Variants in CAST observed in about 807,000 individuals in gnomAD.
CAST encodes MIR583 host.
A neutral mutation model predicts 119.6 loss-of-function variants in CAST; 76 were observed. The ratio of observed to expected loss-of-function variants is 0.64; its 90% CI spans 0.53 to 0.77. The LOEUF (loss-of-function observed/expected upper bound fraction) is 0.77. Ranked by LOEUF, CAST falls within the 30% of genes least tolerant of loss-of-function variation. The pLI, the probability that CAST is intolerant of heterozygous loss-of-function variation, is 0.00. For synonymous variants in CAST, 319 were observed against 331.6 expected, an observed-to-expected ratio of 0.96 and a Z score of 0.41; for missense variants, 953 against 946.5, an observed-to-expected ratio of 1.01 and a Z score of -0.09.
chr5:96,166,479 G>A, the CAST span, among the ~76,000 whole-genome samples: 482 of 152,106 alleles, frequency 3.2e-3, 1 homozygote, highest in Non-Finnish European at 3.8e-3. Context: ...CTCACATCTC[G>A]GTTTCTGTGT....
intron 1 of CAST, among the ~76,000 whole-genome samples, chr5:96,628,496 G>A (rs923079321): frequency 3.3e-5 from 5 of 152,176 alleles, no homozygotes; most frequent in African/African-American, 1.2e-4. Context: ...AATTTAGAAA[G>A]TATCTAACCA....
the CAST span, chr5:96,415,904 A>G: frequency 7.0e-5 from 49 of 699,598 alleles, no homozygotes; most frequent in Non-Finnish European, 1.2e-4. Context: ...CAAGTCCTGT[A>G]GCAACTTTGG....
At chr5:96,623,988 T>C in intron 1 of CAST, among the ~76,000 whole-genome samples, 1 of 152,184 alleles carries the variant, frequency 6.6e-6, no homozygotes, top group Admixed American at 6.5e-5. Context: ...TGGGAGCCAC[T>C]GTGCCTGGCC....
intron 2 of CAST, among the ~76,000 whole-genome samples, chr5:96,685,649 T>G (rs929517576): frequency 1.1e-4 from 17 of 152,174 alleles, no homozygotes; most frequent in African/African-American, 3.9e-4. Flanking sequence ...AAAACAAATT[T>G]AAAACTCTCT....
the CAST span, among the ~76,000 whole-genome samples, chr5:96,325,475 TTTTA>T: frequency 6.6e-6 from 1 of 150,868 alleles, no homozygotes; most frequent in Admixed American, 6.6e-5. Context: ...TATTTATTTA[TTTTA>T]TTTATTTATT....
At chr5:96,057,798 C>T in the CAST span, among the ~76,000 whole-genome samples, 3 of 152,128 alleles carry the variant, frequency 2.0e-5, no homozygotes, top group South Asian at 6.2e-4. Context: ...AATGTTGTCA[C>T]ATCAGGTCTC....
chr5:96,342,918 A>C, the CAST span, among the ~76,000 whole-genome samples: 3 of 152,196 alleles, frequency 2.0e-5, no homozygotes, highest in African/African-American at 7.2e-5. Flanking sequence ...TGCCATTTAA[A>C]ATGTCTTTAA....
chr5:96,576,875 T>C (rs1746682109), intron 1 of CAST, among the ~76,000 whole-genome samples: 1 of 149,910 alleles, frequency 6.7e-6, no homozygotes, highest in Non-Finnish European at 1.5e-5. Context: ...ATGTGTAGGT[T>C]TGTTACATAG....
chr5:96,440,949 A>C, the CAST span, among the ~76,000 whole-genome samples: 1 of 152,172 alleles, frequency 6.6e-6, no homozygotes, highest in Non-Finnish European at 1.5e-5. Flanking sequence ...ATAAGAGCAG[A>C]CTCAAAACAG....
chr5:96,086,221 T>C, the CAST span, among the ~76,000 whole-genome samples: 1 of 152,218 alleles, frequency 6.6e-6, no homozygotes, highest in African/African-American at 2.4e-5. Context: ...TTTAATCTTT[T>C]AGATCTGTAG....
chr5:96,736,190 T>G lies in CAST; in HGVS notation c.649T>G (p.Leu217Val), dbSNP rs763301237. 6.2e-7 allele frequency: 1 copy of G among 1,612,242 alleles called. No homozygotes were observed. Among genetic ancestry groups the G allele is most frequent in the African/African-American group, 1.3e-5 (1 of 74,964 alleles). Residue 217 changes from leucine to valine, a missense_variant, in exon 10 of 32, where the codon TTA (leucine) becomes GTA (valine). Transcript: ENST00000675179. ...PGDKKKEKKS[L>V]TPAVPVESKP... ...TCACCAGAAAAAAGAAAAGAAATCA[T>G]TAACCCCAGCTGTGCCAGTTGAATC...
At chr5:96,706,719 G>A (rs1207327174) in intron 3 of CAST, among the ~76,000 whole-genome samples, 2 of 152,212 alleles carry the variant, frequency 1.3e-5, no homozygotes, top group South Asian at 2.1e-4. Context: ...TCTTCTTCCC[G>A]TGCTTTCCCC....
chr5:96,049,889 CAAAAAA>C, the CAST span, among the ~76,000 whole-genome samples: 304 of 34,186 alleles, frequency 8.9e-3, no homozygotes, highest in Middle Eastern at 0.038. Flanking sequence ...GAACAGGAGG[CAAAAAA>C]AAAAAAAAAA....
At chr5:96,143,729 T>TA in the CAST span, among the ~76,000 whole-genome samples, 1 of 152,076 alleles carries the variant, frequency 6.6e-6, no homozygotes. Flanking sequence ...GACAAGCTTG[T>TA]AAAAAAAAGT....
chr5:96,303,136 G>A, the CAST span, among the ~76,000 whole-genome samples: 1 of 152,146 alleles, frequency 6.6e-6, no homozygotes, highest in African/African-American at 2.4e-5. Flanking sequence ...GGGGAAGCTG[G>A]CACATCCTAC....
At chr5:95,963,763 A>G in the CAST span, among the ~76,000 whole-genome samples, 1 of 141,186 alleles carries the variant, frequency 7.1e-6, no homozygotes, top group South Asian at 2.2e-4. Flanking sequence ...AGGACTGAGC[A>G]CATAGCTAAA....
At chr5:96,375,619 G>T in the CAST span, among the ~76,000 whole-genome samples, 1 of 151,938 alleles carries the variant, frequency 6.6e-6, no homozygotes, top group Admixed American at 6.6e-5. Flanking sequence ...CCTAACTTAG[G>T]TGTTACTGTG....
At chr5:96,522,174 A>G (rs1009906680), upstream of CAST, among the ~76,000 whole-genome samples, 4 of 152,302 alleles carry the variant, frequency 2.6e-5, no homozygotes, top group Middle Eastern at 3.4e-3. Flanking sequence ...TTTCTTCAGA[A>G]GGGAGGATTC....
intron 3 of CAST, among the ~76,000 whole-genome samples, chr5:96,706,408 AGTGTT>A (rs1754986105): frequency 2.0e-5 from 3 of 152,206 alleles, no homozygotes; most frequent in African/African-American, 7.2e-5. Context: ...CAATGTAAAA[AGTGTT>A]AAATGGCAGT....
Sources: allele counts gnomAD v4.1 joint callset (sites outside exome capture counted in the v4.1 genomes callset), GRCh38; gene constraint gnomAD v4.1.1; transcripts MANE v1.5; gene names NCBI Gene and HGNC (gene_info 2026-07-23, HGNC 2026-07-21).